The following PTPN11 variants were observed in gnomAD, a reference collection of about 807,000 sequenced individuals.
The protein encoded by PTPN11 is protein tyrosine phosphatase non-receptor type 11, also known as tyrosine-protein phosphatase non-receptor type 11.
Under a neutral mutation model 78.8 loss-of-function variants are expected in PTPN11, and 6 were observed. That is an observed-to-expected ratio of 0.08 (90% CI 0.04 to 0.15). PTPN11 has a LOEUF of 0.15. Ranked by LOEUF, PTPN11 falls within the 10% of genes least tolerant of loss-of-function variation. PTPN11 has a pLI of 1.00. For synonymous variants in PTPN11, 221 were observed against 263.5 expected, an observed-to-expected ratio of 0.84 and a Z score of 1.56; for missense variants, 386 against 744.8, an observed-to-expected ratio of 0.52 and a Z score of 5.61.
In PTPN11 at chr12:112,507,017, TG is replaced by T; in HGVS notation, c.*1229del. On this transcript the variant is annotated 3_prime_UTR_variant, in exon 16 of 16. Transcript: ENST00000351677. ...TGGTTTTTTCTAATCAGAAGAAAGCTGGGGTATGCCCTCTACTTACTAAACA... is the reference window on the plus strand; with the variant it reads ...TGGTTTTTTCTAATCAGAAGAAAGCTGGGTATGCCCTCTACTTACTAAACA... 1 of 234,484 alleles carries T rather than the reference TG, an allele frequency of 4.3e-6. No homozygotes were observed. The highest frequency in any genetic ancestry group is 8.6e-6 in the Non-Finnish European group (1 of 115,852). 14.5% of individuals were successfully genotyped at this position (234,484 alleles called of 1,614,324 possible). A position where few individuals can be genotyped will look rare whatever the true frequency, so the allele number is the denominator to read the frequency against.
intron 6 of PTPN11, among the ~76,000 whole-genome samples, chr12:112,471,880 G>C (rs1489700658): frequency 6.6e-6 from 1 of 152,032 alleles, no homozygotes; most frequent in Non-Finnish European, 1.5e-5. Flanking sequence ...AGCCTCCCGA[G>C]TATCTGGGAT....
chr12:112,427,557 AT>A (rs1158513193), intron 1 of PTPN11, among the ~76,000 whole-genome samples: 2 of 151,160 alleles, frequency 1.3e-5, no homozygotes, highest in South Asian at 2.1e-4. Context: ...AAAAAAAAAA[AT>A]CTATATATCT....
intron 1 of PTPN11, among the ~76,000 whole-genome samples, chr12:112,424,297 AGGTG>A (rs2037570707): frequency 6.6e-6 from 1 of 152,142 alleles, no homozygotes; most frequent in South Asian, 2.1e-4. Context: ...GAGGCTGGGA[AGGTG>A]GGAGGTAGGT....
At chr12:112,487,846 C>T (rs1214971704) in intron 11 of PTPN11, among the ~76,000 whole-genome samples, 1 of 152,058 alleles carries the variant, frequency 6.6e-6, no homozygotes, top group African/African-American at 2.4e-5. Flanking sequence ...TGCAATTGAG[C>T]GATCTTAGCT....
chr12:112,452,636 T>A (rs1290166657), intron 3 of PTPN11, among the ~76,000 whole-genome samples: 1 of 151,906 alleles, frequency 6.6e-6, no homozygotes, highest in African/African-American at 2.4e-5. Context: ...CAAGTGATCC[T>A]CCTGCCTCGG....
At chr12:112,491,070 A>G (rs1257502509) in intron 13 of PTPN11, among the ~76,000 whole-genome samples, 1 of 152,210 alleles carries the variant, frequency 6.6e-6, no homozygotes, top group Non-Finnish European at 1.5e-5. Flanking sequence ...TCAGTGAAAA[A>G]AAGGAATGAT....
At chr12:112,476,813 C>G (rs2038512201) in intron 7 of PTPN11, among the ~76,000 whole-genome samples, 1 of 152,064 alleles carries the variant, frequency 6.6e-6, no homozygotes, top group Admixed American at 6.6e-5. Flanking sequence ...ACAAAAACCC[C>G]TCTTTATTAT....
intron 10 of PTPN11, among the ~76,000 whole-genome samples, chr12:112,484,481 G>A (rs375241067): frequency 4.6e-5 from 7 of 152,302 alleles, no homozygotes; most frequent in East Asian, 3.9e-4. Flanking sequence ...ACTCCTGGCC[G>A]GATGAGGGGG....
chr12:112,461,338 CTT>C (rs559792080), intron 6 of PTPN11, among the ~76,000 whole-genome samples: 30 of 140,328 alleles, frequency 2.1e-4, no homozygotes, highest in Non-Finnish European at 1.9e-4. Flanking sequence ...TTTTCTTTTT[CTT>C]TTTTTTTTTT....
At chr12:112,500,118 C>G (rs2038858165) in intron 13 of PTPN11, among the ~76,000 whole-genome samples, 4 of 151,892 alleles carry the variant, frequency 2.6e-5, no homozygotes, top group Non-Finnish European at 5.9e-5. Context: ...GTGGTGCACA[C>G]CTGTAATCCC....
intron 13 of PTPN11, among the ~76,000 whole-genome samples, chr12:112,492,837 C>G (rs974439654): frequency 3.9e-5 from 6 of 152,038 alleles, no homozygotes; most frequent in Admixed American, 3.9e-4. Flanking sequence ...TTTTTGCCTA[C>G]TAATTTTATA....
At chr12:112,440,660 G>A (rs981452495) in intron 1 of PTPN11, among the ~76,000 whole-genome samples, 1 of 131,478 alleles carries the variant, frequency 7.6e-6, no homozygotes, top group African/African-American at 2.9e-5. Context: ...TGCAACCTCC[G>A]CCTCCCGGGT....
chr12:112,468,194 G>T (rs1314140811), intron 6 of PTPN11, among the ~76,000 whole-genome samples: 2 of 152,178 alleles, frequency 1.3e-5, no homozygotes, highest in African/African-American at 2.4e-5. Flanking sequence ...CCCTGCCAAG[G>T]CCAGTGGAGA....
chr12:112,459,198 G>A (rs1393571339), intron 6 of PTPN11, among the ~76,000 whole-genome samples: 1 of 152,100 alleles, frequency 6.6e-6, no homozygotes, highest in Non-Finnish European at 1.5e-5. Flanking sequence ...AGCCTCATGA[G>A]GTAAGATGGG....
chr12:112,438,471 A>G (rs1174426713), intron 1 of PTPN11, among the ~76,000 whole-genome samples: 1 of 150,202 alleles, frequency 6.7e-6, no homozygotes, highest in Non-Finnish European at 1.5e-5. Flanking sequence ...CTACAGGAGC[A>G]CACCACCATA....
intron 13 of PTPN11, among the ~76,000 whole-genome samples, chr12:112,501,849 A>G (rs2038877405): frequency 6.6e-6 from 1 of 152,214 alleles, no homozygotes; most frequent in South Asian, 2.1e-4. Flanking sequence ...TGGCAAAGAA[A>G]GTGTGAATTC....
At position 112,453,488 on chromosome 12, in the gene PTPN11, TTTTATTTATTTA is replaced by T. The variant is rs141468112; in HGVS notation, c.525+121_525+132del. The T allele has an allele frequency of 6.5e-5, 57 of 871,448 alleles. 3 individuals are homozygous for T. The Middle Eastern group carries it at 1.0e-3, about 16-fold the overall frequency. 54.0% of individuals were successfully genotyped at this position (871,448 alleles called of 1,614,324 possible). On this transcript the variant is annotated intron_variant, in intron 4 of 15. Coordinates refer to ENST00000351677, the MANE Select transcript of PTPN11 (RefSeq NM_002834.5). ...CCATTACATTCAAAGTCAGATTGTC[TTTTATTTATTTA>T]TTTATTTATTTATTTATTTGAGACA...
intron 1 of PTPN11, among the ~76,000 whole-genome samples, chr12:112,428,394 G>GTTTTTTT (rs1215660002): frequency 9.4e-6 from 1 of 106,650 alleles, no homozygotes; most frequent in Non-Finnish European, 1.9e-5. Context: ...GCTGTGTGTT[G>GTTTTTTT]TCTTTTTTTT....
At chr12:112,425,169 A>T (rs1237377619) in intron 1 of PTPN11, among the ~76,000 whole-genome samples, 3 of 151,966 alleles carry the variant, frequency 2.0e-5, no homozygotes, top group Non-Finnish European at 4.4e-5. Flanking sequence ...CTTTAAAAAA[A>T]TTTTGACATT....
Sources: gnomAD v4.1 joint callset for allele counts (sites outside exome capture counted in the v4.1 genomes callset) on GRCh38, gnomAD v4.1.1 for gene constraint, MANE v1.5 for transcripts, NCBI Gene and HGNC (gene_info 2026-07-23, HGNC 2026-07-21) for gene names.